Variants in ATP8B1 observed in about 807,000 individuals in gnomAD.
The protein encoded by ATP8B1 is ATPase phospholipid transporting 8B1.
Under a neutral mutation model 149.9 loss-of-function variants are expected in ATP8B1, and 80 were observed. The observed-to-expected ratio is 0.53, with a 90% CI of 0.45 to 0.64. The LOEUF is 0.64. ATP8B1 is among the 30% of genes least tolerant of loss of function. The pLI is 0.00. For missense variants in ATP8B1, 1,247 were observed against 1,552.6 expected (o/e 0.80, Z 3.31); for synonymous variants, 536 against 562.8 (o/e 0.95, Z 0.67).
chr18:57,693,901 G>A (rs1230374374), intron 11 of ATP8B1, among the ~76,000 whole-genome samples: 1 of 152,086 alleles, frequency 6.6e-6, no homozygotes, highest in African/African-American at 2.4e-5. Flanking sequence ...AATTGCTGCT[G>A]GGAGAATTAA....
intron 20 of ATP8B1, among the ~76,000 whole-genome samples, chr18:57,666,785 C>A (rs1330105459): frequency 6.6e-6 from 1 of 152,206 alleles, no homozygotes; most frequent in African/African-American, 2.4e-5. Context: ...ATCCACCCGC[C>A]TCGGCCTCCC....
chr18:57,726,951 G>A (rs894509631), intron 2 of ATP8B1, among the ~76,000 whole-genome samples: 30 of 152,220 alleles, frequency 2.0e-4, no homozygotes, highest in African/African-American at 6.7e-4. Flanking sequence ...GTGATGGCGG[G>A]CGCCGGTAAT....
At chr18:57,649,346 AT>A (rs1909449404) in intron 27 of ATP8B1, among the ~76,000 whole-genome samples, 1 of 152,138 alleles carries the variant, frequency 6.6e-6, no homozygotes, top group Non-Finnish European at 1.5e-5. Flanking sequence ...AGGGAAGGTT[AT>A]TTAACTTTTC....
intron 16 of ATP8B1, among the ~76,000 whole-genome samples, chr18:57,673,752 G>T (rs777618327): frequency 6.6e-6 from 1 of 151,844 alleles, no homozygotes; most frequent in Non-Finnish European, 1.5e-5. Context: ...AAGAGTATGA[G>T]GGCTCTTTAA....
chr18:57,790,124 T>C (rs2080448466), intron 1 of ATP8B1, among the ~76,000 whole-genome samples: 1 of 152,120 alleles, frequency 6.6e-6, no homozygotes, highest in Non-Finnish European at 1.5e-5. Context: ...TCTCTTCTTT[T>C]ACATCTTCAA....
intron 22 of ATP8B1, among the ~76,000 whole-genome samples, chr18:57,656,096 A>T (rs560461796): frequency 2.6e-5 from 4 of 152,286 alleles, no homozygotes; most frequent in African/African-American, 9.6e-5. Flanking sequence ...CTTTAGAGGA[A>T]CCTCTTATCA....
chr18:57,764,756 TCAA>T (rs1166098734), intron 1 of ATP8B1, among the ~76,000 whole-genome samples: 203 of 66,148 alleles, frequency 3.1e-3, no homozygotes, highest in Admixed American at 8.4e-3. Flanking sequence ...CTTTCAGTTG[TCAA>T]AAAAAAAAAA....
intron 2 of ATP8B1, among the ~76,000 whole-genome samples, chr18:57,719,528 AC>A (rs1408129899): frequency 6.6e-6 from 1 of 152,160 alleles, no homozygotes; most frequent in East Asian, 1.9e-4. Flanking sequence ...GGTCACTCCC[AC>A]CCGAATATTG....
At chr18:57,729,488 ACCTGTTATGACAGAGGCCACCTT>A (rs1172329766) in intron 2 of ATP8B1, among the ~76,000 whole-genome samples, 1 of 150,998 alleles carries the variant, frequency 6.6e-6, no homozygotes, top group South Asian at 2.1e-4. Context: ...TCCAGTCTGG[ACCTGTTATGACAGAGGCCACCTT>A]CCTGTTCAGA....
At chr18:57,668,748 AGG>A (rs1911052073) in intron 18 of ATP8B1, 1 of 512,634 alleles carries the variant, frequency 2.0e-6, no homozygotes, top group South Asian at 2.9e-5. Flanking sequence ...TTTTCCCTAA[AGG>A]ATGAACTATT....
At chr18:57,692,425 ATTTTTT>A (rs10547283) in intron 11 of ATP8B1, among the ~76,000 whole-genome samples, 115 of 57,056 alleles carry the variant, frequency 2.0e-3, no homozygotes, top group African/African-American at 6.7e-3. Flanking sequence ...TATTCAACAG[ATTTTTT>A]TTTTTTTTTT....
intron 1 of ATP8B1, among the ~76,000 whole-genome samples, chr18:57,795,293 T>C (rs1168613731): frequency 6.6e-6 from 1 of 151,634 alleles, no homozygotes; most frequent in Non-Finnish European, 1.5e-5. Context: ...GTCCCAGACA[T>C]TTGGGAGGCT....
In ATP8B1 at chr18:57,729,987, G is replaced by A. The variant is rs79251970; in HGVS notation, c.181+1640C>T. Among the ~76,000 whole-genome samples the A allele has an allele frequency of 1.6e-3, 247 of 152,166 alleles. 1 individual carries two copies. Among genetic ancestry groups the A allele is most frequent in the African/African-American group, 5.5e-3 (229 of 41,510 alleles). ...ACTCTAAGAGGTAATCCATCTAAATGTTTGCTATGGAAAGGTAGCGGACAC... is the reference window on the plus strand; with the variant it reads ...ACTCTAAGAGGTAATCCATCTAAATATTTGCTATGGAAAGGTAGCGGACAC... On this transcript the variant is annotated intron_variant, in intron 2 of 27. Transcript: ENST00000648908.
intron 2 of ATP8B1, among the ~76,000 whole-genome samples, chr18:57,710,864 A>G (rs562901584): frequency 1.3e-4 from 20 of 152,272 alleles, no homozygotes; most frequent in African/African-American, 4.1e-4. Context: ...TGAACTCCTG[A>G]CCTCAGGTGA....
chr18:57,693,130 GT>G (rs1401551083), intron 11 of ATP8B1, among the ~76,000 whole-genome samples: 2 of 152,128 alleles, frequency 1.3e-5, no homozygotes, highest in Admixed American at 6.5e-5. Flanking sequence ...AGGGGAAAAT[GT>G]TTCTTAAATT....
chr18:57,774,527 C>T (rs994226331), intron 1 of ATP8B1, among the ~76,000 whole-genome samples: 3 of 152,268 alleles, frequency 2.0e-5, no homozygotes, highest in South Asian at 4.1e-4. Context: ...AACCTGGAGG[C>T]GGAGGTTGCA....
chr18:57,672,740 C>G (rs1911279450), intron 16 of ATP8B1, among the ~76,000 whole-genome samples: 1 of 150,618 alleles, frequency 6.6e-6, no homozygotes, highest in Non-Finnish European at 1.5e-5. Context: ...GTGGCACATG[C>G]CTGTAATCCC....
At position 57,740,073 on chromosome 18, in the gene ATP8B1, AGTTTTGTTTTTT is replaced by A. The variant is rs2079896583; in HGVS notation, c.-25-8253_-25-8242del. Among the ~76,000 whole-genome samples, 5 of 152,140 alleles carry A rather than the reference AGTTTTGTTTTTT, an allele frequency of 3.3e-5. No homozygotes were observed. The South Asian group carries it at 1.0e-3, about 32-fold the overall frequency. ...TCATTACTGACATACCGGCTATGGT[AGTTTTGTTTTTT>A]GTTTTGTTTGTTTGTTTGTTTTGAG... On this transcript the variant is annotated intron_variant, in intron 1 of 27. Coordinates refer to ENST00000648908, the MANE Select transcript of ATP8B1 (RefSeq NM_001374385.1).
intron 1 of ATP8B1, among the ~76,000 whole-genome samples, chr18:57,756,427 A>G (rs1383092731): frequency 6.6e-6 from 1 of 150,898 alleles, no homozygotes; most frequent in African/African-American, 2.4e-5. Flanking sequence ...CAGCCTCCCA[A>G]GTAGCTGGGA....
Sources: gnomAD v4.1 joint callset for allele counts (sites outside exome capture counted in the v4.1 genomes callset) on GRCh38, gnomAD v4.1.1 for gene constraint, MANE v1.5 for transcripts, NCBI Gene and HGNC (gene_info 2026-07-23, HGNC 2026-07-21) for gene names.